GALNTL6: variants seen among roughly 807,000 people sequenced by gnomAD.
GALNTL6 encodes polypeptide N-acetylgalactosaminyltransferase-like 6.
Under a neutral mutation model 73.7 loss-of-function variants are expected in GALNTL6, and 46 were observed. The observed-to-expected ratio is 0.62, with a 90% CI of 0.49 to 0.80. The LOEUF (loss-of-function observed/expected upper bound fraction) is 0.80, where lower values mean the gene tolerates loss of function less well. Ranked by LOEUF, GALNTL6 falls within the 30% of genes least tolerant of loss-of-function variation. The probability of loss-of-function intolerance (pLI) is 0.00; values close to 1 mark genes in which losing one functional copy is unlikely to be tolerated. For missense variants in GALNTL6, 604 were observed against 755.0 expected, an observed-to-expected ratio of 0.80 and a Z score of 2.34; for synonymous variants, 259 against 263.7, an observed-to-expected ratio of 0.98 and a Z score of 0.17.
rs184940460 is a variant in GALNTL6 at position 172,226,530 on chromosome 4, C to A, written c.139-3126C>A. Among the ~76,000 whole-genome samples, 3 of 150,640 alleles carry A rather than the reference C, an allele frequency of 2.0e-5. No homozygotes were observed. In the East Asian group the frequency reaches 5.8e-4, roughly 29 times the overall value. On this transcript the variant is annotated intron_variant, in intron 2 of 12. Coordinates refer to ENST00000506823, the MANE Select transcript of GALNTL6 (RefSeq NM_001034845.3). ...TTTGGAAGAACTGTAATTCTCATTT[C>A]AATATTTTTTTTAAAGGAAAGAAGT...
intron 5 of GALNTL6, among the ~76,000 whole-genome samples, chr4:172,619,443 C>G (rs945710958): frequency 1.3e-5 from 2 of 152,082 alleles, no homozygotes; most frequent in African/African-American, 4.8e-5. Context: ...GAGGTTTTTC[C>G]CCAACATTAT....
intron 2 of GALNTL6, among the ~76,000 whole-genome samples, chr4:171,867,710 G>A (rs1226514950): frequency 6.6e-6 from 1 of 152,174 alleles, no homozygotes. Flanking sequence ...TCCAACAGAT[G>A]TCTTCAGATG....
chr4:172,793,628 G>C (rs1332735931), intron 5 of GALNTL6, among the ~76,000 whole-genome samples: 3 of 152,122 alleles, frequency 2.0e-5, no homozygotes, highest in Non-Finnish European at 4.4e-5. Context: ...ACAAACAAAA[G>C]AATTACAATC....
At chr4:172,324,520 A>G (rs1016184711) in intron 4 of GALNTL6, among the ~76,000 whole-genome samples, 1 of 151,528 alleles carries the variant, frequency 6.6e-6, no homozygotes. Context: ...ACTGAAATAG[A>G]CCAAAAAATT....
chr4:172,858,975 C>A, intron 7 of GALNTL6, among the ~76,000 whole-genome samples: 1 of 142,004 alleles, frequency 7.0e-6, no homozygotes, highest in African/African-American at 2.6e-5. Context: ...AAAAAATAAA[C>A]AACAAAGTTT....
chr4:172,888,896 G>A (rs538080914), intron 8 of GALNTL6, among the ~76,000 whole-genome samples: 181 of 152,022 alleles, frequency 1.2e-3, no homozygotes, highest in Non-Finnish European at 2.4e-3. Flanking sequence ...CATGAGCATG[G>A]AAATTTTTTT....
At chr4:172,805,737 A>C in intron 5 of GALNTL6, among the ~76,000 whole-genome samples, 1 of 152,332 alleles carries the variant, frequency 6.6e-6, no homozygotes, top group African/African-American at 2.4e-5. Context: ...TATATTTAAA[A>C]TCATGTTAAT....
At chr4:172,165,941 T>C (rs1051956786) in intron 2 of GALNTL6, among the ~76,000 whole-genome samples, 2 of 151,726 alleles carry the variant, frequency 1.3e-5, no homozygotes, top group Admixed American at 1.3e-4. Flanking sequence ...AGAAAAAAAA[T>C]AGCATGTATA....
intron 8 of GALNTL6, among the ~76,000 whole-genome samples, chr4:172,892,036 T>C (rs1191760064): frequency 1.3e-5 from 2 of 152,228 alleles, no homozygotes; most frequent in Non-Finnish European, 2.9e-5. Context: ...CTTCCGTGCA[T>C]TGGCTTTCAA....
rs1426609333 is a variant in GALNTL6 at position 172,423,660 on chromosome 4, T to G, written c.553+74971T>G. Among the ~76,000 whole-genome samples the G allele has an allele frequency of 3.3e-5, 5 of 152,278 alleles. No individual in the cohort carries two copies. The East Asian group carries it at 9.6e-4, about 29-fold the overall frequency. ...ATTTATCATTGCCTAATATATCATG[T>G]ATTTACTTACTTATAATTTTTTCCT... is the stretch of plus-strand genomic sequence containing the variant. On this transcript the variant is annotated intron_variant, in intron 5 of 12. Coordinates refer to ENST00000506823, the MANE Select transcript of GALNTL6 (RefSeq NM_001034845.3).
rs561094511 is a variant in GALNTL6 at position 172,296,998 on chromosome 4, G to A, written c.248-14616G>A. 2.9e-3 allele frequency among the ~76,000 whole-genome samples: 437 copies of A among 152,160 alleles called. 4 individuals are homozygous for A. The highest frequency in any genetic ancestry group is 9.9e-3 in the African/African-American group (412 of 41,518). Reference sequence around the variant, plus strand: ...CCACCAACAGCGTAAAAGTGTTCCTGTTTCTCCACATCCTCTCCAGCACCT... The same window carrying A: ...CCACCAACAGCGTAAAAGTGTTCCTATTTCTCCACATCCTCTCCAGCACCT... On this transcript the variant is annotated intron_variant, in intron 3 of 12. Coordinates refer to ENST00000506823, the MANE Select transcript of GALNTL6 (RefSeq NM_001034845.3).
intron 5 of GALNTL6, among the ~76,000 whole-genome samples, chr4:172,468,352 A>T (rs1285417147): frequency 6.6e-6 from 1 of 152,222 alleles, no homozygotes; most frequent in Non-Finnish European, 1.5e-5. Context: ...ATGCAGAGAC[A>T]TCTGATGGAG....
At chr4:172,677,899 A>G (rs1364488310) in intron 5 of GALNTL6, among the ~76,000 whole-genome samples, 5 of 152,256 alleles carry the variant, frequency 3.3e-5, no homozygotes. Context: ...GAAGCAGAGA[A>G]TGAAAATTCT....
At chr4:172,622,468 G>A (rs915094167) in intron 5 of GALNTL6, among the ~76,000 whole-genome samples, 2 of 152,108 alleles carry the variant, frequency 1.3e-5, no homozygotes, top group African/African-American at 4.8e-5. Flanking sequence ...AGCATTAGAA[G>A]CTAGAAAATT....
chr4:171,940,320 G>C (rs866996477), intron 2 of GALNTL6, among the ~76,000 whole-genome samples: 3 of 147,382 alleles, frequency 2.0e-5, no homozygotes, highest in Admixed American at 6.6e-5. Context: ...ATGCAAATAA[G>C]AATGTTGTAT....
intron 8 of GALNTL6, among the ~76,000 whole-genome samples, chr4:172,923,278 A>G (rs1406998052): frequency 1.3e-5 from 2 of 152,158 alleles, no homozygotes; most frequent in East Asian, 3.9e-4. Flanking sequence ...AGCAAGTCAC[A>G]TCTTACATGG....
chr4:172,160,180 G>A (rs528540668), intron 2 of GALNTL6, among the ~76,000 whole-genome samples: 34 of 152,164 alleles, frequency 2.2e-4, no homozygotes, highest in Middle Eastern at 3.4e-3. Context: ...GTGCGTGTGC[G>A]TGTGTGGCCT....
chr4:172,027,596 C>A (rs13152506), intron 2 of GALNTL6, among the ~76,000 whole-genome samples: 12,425 of 151,988 alleles, frequency 0.082, 1,236 homozygotes, highest in African/African-American at 0.24. Flanking sequence ...TAAGAACCCT[C>A]TAATGGCCTG....
chr4:172,596,369 C>T (rs1204059632), intron 5 of GALNTL6, among the ~76,000 whole-genome samples: 4 of 150,700 alleles, frequency 2.7e-5, no homozygotes, highest in Non-Finnish European at 5.9e-5. Flanking sequence ...TGCTTGAGCC[C>T]GGGAGGCAGA....
Sources: gnomAD v4.1 joint callset for allele counts (sites outside exome capture counted in the v4.1 genomes callset) on GRCh38, gnomAD v4.1.1 for gene constraint, MANE v1.5 for transcripts, NCBI Gene and HGNC (gene_info 2026-07-23, HGNC 2026-07-21) for gene names.